The following EEIG1 variants were observed in gnomAD, a reference collection of about 807,000 sequenced individuals.
EEIG1 encodes early estrogen-induced gene 1 protein.
the EEIG1 span, among the ~76,000 whole-genome samples, chr9:127,975,164 C>G: frequency 2.6e-5 from 4 of 152,226 alleles, no homozygotes; most frequent in Non-Finnish European, 5.9e-5. Context: ...CCCGGCCAGG[C>G]TGGCCTCCCC....
At chr9:127,966,277 C>T in the EEIG1 span, among the ~76,000 whole-genome samples, 1 of 152,112 alleles carries the variant, frequency 6.6e-6, no homozygotes, top group Non-Finnish European at 1.5e-5. Flanking sequence ...CTGCTGCTCA[C>T]CGGTCAAGCA....
chr9:127,968,307 G>A, the EEIG1 span, among the ~76,000 whole-genome samples: 2 of 152,078 alleles, frequency 1.3e-5, no homozygotes, highest in Non-Finnish European at 2.9e-5. Flanking sequence ...AAGTCATGGG[G>A]CTGCCTCTGT....
chr9:127,967,373 C>T, the EEIG1 span, among the ~76,000 whole-genome samples: 1 of 152,202 alleles, frequency 6.6e-6, no homozygotes. Context: ...GCCCATTACC[C>T]CATCGCAGCC....
chr9:127,949,159 CA>C, the EEIG1 span, among the ~76,000 whole-genome samples: 1 of 151,870 alleles, frequency 6.6e-6, no homozygotes, highest in Non-Finnish European at 1.5e-5. Flanking sequence ...ACTAAAAATA[CA>C]AAAATTAGCC....
chr9:127,969,921 C>T, the EEIG1 span, among the ~76,000 whole-genome samples: 1 of 152,048 alleles, frequency 6.6e-6, no homozygotes, highest in African/African-American at 2.4e-5. Flanking sequence ...TGGGGCATCT[C>T]GAGTCTTGTT....
chr9:127,971,793 C>T, the EEIG1 span, among the ~76,000 whole-genome samples: 2 of 152,190 alleles, frequency 1.3e-5, no homozygotes, highest in Non-Finnish European at 2.9e-5. Flanking sequence ...ACAGAGTGTA[C>T]AAGGCCAAAA....
the EEIG1 span, among the ~76,000 whole-genome samples, chr9:127,972,423 C>T: frequency 6.6e-6 from 1 of 152,206 alleles, no homozygotes; most frequent in Non-Finnish European, 1.5e-5. The surrounding 1 kb of genome is among the most constrained non-coding windows in gnomAD (Gnocchi z 4.3). Flanking sequence ...TGCCTGGACA[C>T]AGGAGGACAG....
At chr9:127,944,950 A>G in the EEIG1 span, 1 of 1,581,424 alleles carries the variant, frequency 6.3e-7, no homozygotes, top group Non-Finnish European at 8.6e-7. Flanking sequence ...AGTAACAGGT[A>G]CAAGCACAGA....
chr9:127,950,603 CA>C, the EEIG1 span: 1 of 1,584,774 alleles, frequency 6.3e-7, no homozygotes, highest in Non-Finnish European at 8.6e-7. Context: ...GGCGGAAGCC[CA>C]GAAGGGTAAC....
At chr9:127,944,568 C>T in the EEIG1 span, 3 of 1,390,486 alleles carry the variant, frequency 2.2e-6, no homozygotes, top group Non-Finnish European at 3.0e-6. Context: ...CTGCTCTCAC[C>T]CCCAAGCCCC....
chr9:127,953,765 T>A, the EEIG1 span: 1 of 1,613,860 alleles, frequency 6.2e-7, no homozygotes, highest in South Asian at 1.1e-5. Flanking sequence ...GAGGGGCCTA[T>A]AGCCCAGCCC....
At chr9:127,943,347 C>A in the EEIG1 span, 1 of 1,084,102 alleles carries the variant, frequency 9.2e-7, no homozygotes. Flanking sequence ...TTAACCAGCC[C>A]TGTGTTGCAA....
the EEIG1 span, chr9:127,943,725 T>A: frequency 6.2e-6 from 1 of 161,402 alleles, no homozygotes; most frequent in East Asian, 1.8e-4. Context: ...TTCCTCATTT[T>A]CAGAGGGGGC....
the EEIG1 span, among the ~76,000 whole-genome samples, chr9:127,962,115 G>A: frequency 2.0e-5 from 3 of 152,210 alleles, no homozygotes; most frequent in African/African-American, 4.8e-5. Flanking sequence ...TCCCCAGCAG[G>A]GTGGGATGGC....
the EEIG1 span, among the ~76,000 whole-genome samples, chr9:127,960,872 C>G: frequency 6.6e-6 from 1 of 152,126 alleles, no homozygotes; most frequent in Admixed American, 6.5e-5. Context: ...CTGGGCCTCC[C>G]TCCTGTTTCT....
chr9:127,948,462 C>T, the EEIG1 span: 3 of 1,592,940 alleles, frequency 1.9e-6, no homozygotes, highest in Admixed American at 3.3e-5. Flanking sequence ...CCACAGCCTG[C>T]CCAGGCGCAG....
the EEIG1 span, among the ~76,000 whole-genome samples, chr9:127,974,125 C>T: frequency 2.0e-5 from 3 of 152,258 alleles, no homozygotes; most frequent in Admixed American, 6.5e-5. Flanking sequence ...GCCAGCCCTG[C>T]GGTTGAGGAA....
At chr9:127,980,859 C>T in the EEIG1 span, among the ~76,000 whole-genome samples, 1 of 149,162 alleles carries the variant, frequency 6.7e-6, no homozygotes, top group Non-Finnish European at 1.5e-5. Flanking sequence ...CGGGCCCCGG[C>T]GGAGCTGAGG....
At chr9:127,944,638 C>T in the EEIG1 span, 13 of 1,612,118 alleles carry the variant, frequency 8.1e-6, no homozygotes, top group Admixed American at 2.0e-4. Context: ...GGATGCCGCT[C>T]AGCGTGGCAG....
Sources: gnomAD v4.1 joint callset for allele counts (sites outside exome capture counted in the v4.1 genomes callset) on GRCh38, gnomAD v4.1.1 for gene constraint, Gnocchi (gnomAD v3.1) non-coding constraint, MANE v1.5 for transcripts, NCBI Gene and HGNC (gene_info 2026-07-23, HGNC 2026-07-21) for gene names.